Variants in STON1 observed in about 807,000 individuals in gnomAD.
STON1 encodes stonin 1.
In STON1, 79 loss-of-function variants were observed where a neutral mutation model predicts 60.9. The ratio of observed to expected loss-of-function variants is 1.30; its 90% confidence interval spans 1.08 to 1.56. The LOEUF is 1.56. STON1 is among the 40% of genes most tolerant of loss of function. The pLI, the probability that STON1 is intolerant of heterozygous loss-of-function variation, is 0.00. For missense variants in STON1, 1,166 were observed against 858.9 expected, an observed-to-expected ratio of 1.36 and a Z score of -4.47; for synonymous variants, 363 against 306.9, an observed-to-expected ratio of 1.18 and a Z score of -1.91.
chr2:48,581,146 C>T lies in STON1; in HGVS notation c.513C>T (p.Pro171=). Residue 171 remains proline (P), a synonymous_variant, in exon 2 of 4, where the codon CCC becomes CCT. Coordinates refer to ENST00000404752, the MANE Select transcript of STON1 (RefSeq NM_006873.4). ...ESLGFQSDDL[P]QFQYFREDCA... is the part of the protein sequence containing the mutation. ...TAGGATTCCAAAGTGATGATCTCCC[C>T]CAGTTTCAGTATTTTCGAGAGGACT... 1 of 1,568,408 alleles carries T rather than the reference C, an allele frequency of 6.4e-7. No homozygotes were observed. Among genetic ancestry groups the T allele is most frequent in the Non-Finnish European group, 8.6e-7 (1 of 1,164,772 alleles).
chr2:48,549,411 A>G lies in STON1; in HGVS notation c.-48+19195A>G, dbSNP rs371011378. On this transcript the variant is annotated intron_variant, in intron 1 of 3. Coordinates refer to ENST00000404752, the MANE Select transcript of STON1 (RefSeq NM_006873.4). Reference sequence around the variant, plus strand: ...TGGTCCACAAACCTTCCATGGAACTATGCTTCAGAAAACCAGGGAAAGGGA... The same window carrying G: ...TGGTCCACAAACCTTCCATGGAACTGTGCTTCAGAAAACCAGGGAAAGGGA... 3.9e-5 allele frequency among the ~76,000 whole-genome samples: 6 copies of G among 152,256 alleles called. No individual in the cohort carries two copies. The South Asian group carries it at 8.3e-4, about 21-fold the overall frequency.
chr2:48,536,011 G>A (rs1246341433), intron 1 of STON1, among the ~76,000 whole-genome samples: 1 of 151,988 alleles, frequency 6.6e-6, no homozygotes, highest in Non-Finnish European at 1.5e-5. Context: ...CACTTGAGCT[G>A]GGGAGGCAGA....
Position 48,588,306 on chromosome 2 carries a change from C to T in STON1, c.1931-3347C>T, listed in dbSNP as rs114936702. 3.0e-3 allele frequency among the ~76,000 whole-genome samples: 454 copies of T among 152,254 alleles called. 3 individuals carry two copies. Among genetic ancestry groups the T allele is most frequent in the African/African-American group, 9.4e-3 (389 of 41,552 alleles). ...TAGAGAACATAAAGTTTTTAAAAAG[C>T]TCTTTAAAATTTTATCCTTTTCAAG... On this transcript the variant is annotated intron_variant, in intron 2 of 3. Transcript: ENST00000404752.
chr2:48,543,229 C>T (rs1671730569), intron 1 of STON1, among the ~76,000 whole-genome samples: 1 of 152,044 alleles, frequency 6.6e-6, no homozygotes, highest in African/African-American at 2.4e-5. Context: ...CCTGCCTCGG[C>T]CTCCCAAAGT....
chr2:48,532,060 TCATTAAGGCAGGGC>T (rs1671232721), intron 1 of STON1: 1 of 151,990 alleles, frequency 6.6e-6, no homozygotes, highest in Non-Finnish European at 1.5e-5. Flanking sequence ...GGGCACAACA[TCATTAAGGCAGGGC>T]ACGGGGTTCA....
At position 48,533,662 on chromosome 2, in the gene STON1, C is replaced by CAA. The variant is rs57217272; in HGVS notation, c.-48+3465_-48+3466dup. Among the ~76,000 whole-genome samples the CAA allele has an allele frequency of 7.9e-3, 443 of 55,920 alleles. 6 individuals are homozygous for CAA. Among genetic ancestry groups the CAA allele is most frequent in the African/African-American group, 0.016 (243 of 15,026 alleles). 36.7% of individuals were successfully genotyped at this position (55,920 alleles called of 152,430 possible). On this transcript the variant is annotated intron_variant, in intron 1 of 3. Coordinates refer to ENST00000404752, the MANE Select transcript of STON1 (RefSeq NM_006873.4). ...GGGCAACAAGAGCAAAACTCCGTCTCAAAAAAAAAAAAAAAAAAAAGAGAT... is the reference window on the plus strand; with the variant it reads ...GGGCAACAAGAGCAAAACTCCGTCTCAAAAAAAAAAAAAAAAAAAAAAGAGAT...
At chr2:48,593,197 C>T (rs961052319) in intron 3 of STON1, among the ~76,000 whole-genome samples, 3 of 151,528 alleles carry the variant, frequency 2.0e-5, no homozygotes, top group African/African-American at 7.3e-5. Context: ...CTCACTGCAA[C>T]CTCCGCTTCC....
intron 1 of STON1, among the ~76,000 whole-genome samples, chr2:48,576,984 A>G (rs1310475152): frequency 6.6e-6 from 1 of 150,884 alleles, no homozygotes. Context: ...AACCTGGGAG[A>G]TGGAGCTTGC....
At chr2:48,589,139 T>C (rs999891390) in intron 2 of STON1, among the ~76,000 whole-genome samples, 1 of 152,206 alleles carries the variant, frequency 6.6e-6, no homozygotes, top group African/African-American at 2.4e-5. Context: ...TTCTCTTTTT[T>C]TCTTCTGCCC....
intron 1 of STON1, among the ~76,000 whole-genome samples, chr2:48,553,896 A>G (rs2103797948): frequency 6.6e-6 from 1 of 152,336 alleles, no homozygotes; most frequent in East Asian, 1.9e-4. Context: ...GGCAGAGAGA[A>G]GCAGAGTTAG....
chr2:48,571,287 C>G lies in STON1; in HGVS notation c.-47-9300C>G, dbSNP rs889186368. ...ACAGCTGAGGGAAAAGCCAGGGAATCAAAATAGAGGAATCTTTGCTTCAGA... is the reference window on the plus strand; with the variant it reads ...ACAGCTGAGGGAAAAGCCAGGGAATGAAAATAGAGGAATCTTTGCTTCAGA... On this transcript the variant is annotated intron_variant, in intron 1 of 3. Coordinates refer to ENST00000404752, the MANE Select transcript of STON1 (RefSeq NM_006873.4). 5.3e-5 allele frequency among the ~76,000 whole-genome samples: 8 copies of G among 152,144 alleles called. No homozygotes were observed. The South Asian group carries it at 1.4e-3, about 28-fold the overall frequency.
intron 1 of STON1, among the ~76,000 whole-genome samples, chr2:48,568,868 T>C (rs1414121621): frequency 6.6e-6 from 1 of 152,190 alleles, no homozygotes; most frequent in South Asian, 2.1e-4. Flanking sequence ...GAGAACAGCA[T>C]CCTTCCAATC....
At chr2:48,591,154 A>G (rs1674490822) in intron 2 of STON1, among the ~76,000 whole-genome samples, 1 of 151,154 alleles carries the variant, frequency 6.6e-6, no homozygotes, top group African/African-American at 2.4e-5. Flanking sequence ...ATTAAGGAAA[A>G]CAATTAAGTT....
chr2:48,574,814 A>G (rs1292893268), intron 1 of STON1, among the ~76,000 whole-genome samples: 2 of 152,196 alleles, frequency 1.3e-5, no homozygotes, highest in Non-Finnish European at 2.9e-5. Flanking sequence ...CACTCAAATA[A>G]AGATTTATTG....
chr2:48,538,563 A>T (rs1257657696), intron 1 of STON1, among the ~76,000 whole-genome samples: 1 of 151,078 alleles, frequency 6.6e-6, no homozygotes, highest in Non-Finnish European at 1.5e-5. Flanking sequence ...TAATTTTTTT[A>T]TTACCTTTCC....
intron 1 of STON1, among the ~76,000 whole-genome samples, chr2:48,580,253 C>T (rs1328849714): frequency 6.6e-6 from 1 of 152,112 alleles, no homozygotes; most frequent in African/African-American, 2.4e-5. Flanking sequence ...AGTGAATTGA[C>T]TCTTTTATCA....
intron 2 of STON1, among the ~76,000 whole-genome samples, chr2:48,582,969 A>G (rs945183026): frequency 6.6e-6 from 1 of 152,210 alleles, no homozygotes. Context: ...ACTTCTTTGC[A>G]TTCTCAGCTG....
chr2:48,574,806 C>G (rs1673387701), intron 1 of STON1, among the ~76,000 whole-genome samples: 1 of 152,162 alleles, frequency 6.6e-6, no homozygotes, highest in South Asian at 2.1e-4. Context: ...ATAGTGATCA[C>G]TCAAATAAAG....
At chr2:48,556,195 G>T (rs1182584525) in intron 1 of STON1, among the ~76,000 whole-genome samples, 1 of 31,646 alleles carries the variant, frequency 3.2e-5, no homozygotes, top group Non-Finnish European at 7.1e-5. Context: ...CCTCCTGGAC[G>T]GGGCGGCTGG....
Sources: allele counts gnomAD v4.1 joint callset (sites outside exome capture counted in the v4.1 genomes callset), GRCh38; gene constraint gnomAD v4.1.1; transcripts MANE v1.5; gene names NCBI Gene and HGNC (gene_info 2026-07-23, HGNC 2026-07-21).